The following PCSK5 variants were observed in gnomAD, a reference collection of about 807,000 sequenced individuals.
PCSK5 encodes the protein prohormone convertase 5.
Under a neutral mutation model 233.2 loss-of-function variants are expected in PCSK5, and 129 were observed. The observed-to-expected ratio is 0.55, with a 90% CI of 0.48 to 0.64. PCSK5 has a LOEUF of 0.64. PCSK5 is among the 30% of genes least tolerant of loss of function. The pLI, the probability that PCSK5 is intolerant of heterozygous loss-of-function variation, is 0.00. For missense variants in PCSK5, 2,076 were observed against 2,430.1 expected (o/e 0.85, Z 3.06); for synonymous variants, 825 against 879.2 (o/e 0.94, Z 1.09).
chr9:75,918,389 A>G (rs1823099083), intron 1 of PCSK5, among the ~76,000 whole-genome samples: 1 of 152,226 alleles, frequency 6.6e-6, no homozygotes, highest in South Asian at 2.1e-4. Context: ...GGTGGGGCTC[A>G]TTAACGTGCA....
intron 10 of PCSK5, among the ~76,000 whole-genome samples, chr9:76,143,935 T>G (rs537647939): frequency 6.6e-6 from 1 of 152,256 alleles, no homozygotes; most frequent in African/African-American, 2.4e-5. Context: ...GCCATCTAAC[T>G]TCCCATATTT....
chr9:76,160,011 C>T (rs1208440549), intron 12 of PCSK5, among the ~76,000 whole-genome samples: 2 of 151,904 alleles, frequency 1.3e-5, no homozygotes, highest in Middle Eastern at 3.4e-3. Flanking sequence ...TCAGTAGAGA[C>T]GGGGTTTCAC....
At chr9:76,279,308 A>G (rs913703123) in intron 24 of PCSK5, among the ~76,000 whole-genome samples, 1 of 149,414 alleles carries the variant, frequency 6.7e-6, no homozygotes, top group South Asian at 2.1e-4. Context: ...AATCCAGTCT[A>G]TCATTGTTGG....
At chr9:76,230,512 A>G (rs1378948301) in intron 21 of PCSK5, among the ~76,000 whole-genome samples, 1 of 152,190 alleles carries the variant, frequency 6.6e-6, no homozygotes, top group East Asian at 1.9e-4. Flanking sequence ...CCAATCTGTC[A>G]TCTCATCTTG....
intron 9 of PCSK5, among the ~76,000 whole-genome samples, chr9:76,108,116 T>A (rs559048448): frequency 3.0e-4 from 46 of 152,344 alleles, no homozygotes; most frequent in African/African-American, 1.1e-3. Flanking sequence ...ACATTTATTG[T>A]GAAATATTCA....
chr9:76,015,664 C>T (rs538555614), intron 3 of PCSK5, among the ~76,000 whole-genome samples: 13 of 152,240 alleles, frequency 8.5e-5, no homozygotes, highest in African/African-American at 2.4e-4. Context: ...TCTTAATTTG[C>T]TTTAGAATCA....
intron 20 of PCSK5, among the ~76,000 whole-genome samples, chr9:76,192,716 CA>C (rs149761574): frequency 0.14 from 21,545 of 152,034 alleles, 1,807 homozygotes; most frequent in Non-Finnish European, 0.19. Flanking sequence ...AGCATGGAAA[CA>C]AAACAGAATG....
intron 2 of PCSK5, among the ~76,000 whole-genome samples, chr9:75,944,686 C>G (rs1309427999): frequency 6.6e-6 from 1 of 152,252 alleles, no homozygotes; most frequent in Admixed American, 6.5e-5. Context: ...TGTTCTTTTC[C>G]TAGGGGATTT....
chr9:76,059,358 G>A (rs1587566089), intron 5 of PCSK5, among the ~76,000 whole-genome samples: 3 of 152,312 alleles, frequency 2.0e-5, no homozygotes, highest in Middle Eastern at 6.8e-3. Flanking sequence ...AAGCTCTTTA[G>A]TTTAATTAGA....
intron 24 of PCSK5, among the ~76,000 whole-genome samples, chr9:76,253,329 A>C (rs1826873789): frequency 6.6e-6 from 1 of 152,066 alleles, no homozygotes; most frequent in South Asian, 2.1e-4. Context: ...TAGTCTTCTG[A>C]AGATAAGAGA....
At chr9:76,323,358 G>C (rs1268742485) in intron 32 of PCSK5, 70 bp downstream of exon 32, 2 of 862,326 alleles carry the variant, frequency 2.3e-6, no homozygotes, top group Admixed American at 2.5e-5. Flanking sequence ...CAGCGCCAGA[G>C]CTGTCATCTC....
chr9:76,071,352 A>G (rs1276675038), intron 6 of PCSK5, among the ~76,000 whole-genome samples: 1 of 152,198 alleles, frequency 6.6e-6, no homozygotes, highest in African/African-American at 2.4e-5. Flanking sequence ...AGAATGTTTT[A>G]TATCAATTAT....
At chr9:75,892,421 A>G (rs1825649623) in intron 1 of PCSK5, among the ~76,000 whole-genome samples, 1 of 152,102 alleles carries the variant, frequency 6.6e-6, no homozygotes, top group South Asian at 2.1e-4. Context: ...CACCGCAAGC[A>G]TCTTTGGGGT....
At chr9:76,232,243 T>C (rs1177180048) in intron 21 of PCSK5, among the ~76,000 whole-genome samples, 1 of 152,138 alleles carries the variant, frequency 6.6e-6, no homozygotes, top group African/African-American at 2.4e-5. Context: ...AGAGGAGTAG[T>C]AGAGAGAAAA....
At chr9:76,280,552 G>T (rs1004653081) in intron 24 of PCSK5, among the ~76,000 whole-genome samples, 3 of 151,994 alleles carry the variant, frequency 2.0e-5, no homozygotes, top group Non-Finnish European at 2.9e-5. Flanking sequence ...GACCAGCCTG[G>T]GCAACATGGG....
At chr9:76,310,180 G>A (rs1283033018) in intron 29 of PCSK5, among the ~76,000 whole-genome samples, 6 of 151,786 alleles carry the variant, frequency 4.0e-5, no homozygotes, top group East Asian at 1.9e-4. Flanking sequence ...CCCGGGAGGC[G>A]GAGGTCGCAG....
intron 12 of PCSK5, among the ~76,000 whole-genome samples, chr9:76,168,291 C>T (rs1034426833): frequency 3.3e-5 from 5 of 152,046 alleles, no homozygotes; most frequent in Non-Finnish European, 7.4e-5. Context: ...AGTGGGACTA[C>T]AGGTACACCA....
At chr9:76,182,358 A>G (rs1823910961) in intron 16 of PCSK5, among the ~76,000 whole-genome samples, 1 of 152,226 alleles carries the variant, frequency 6.6e-6, no homozygotes, top group African/African-American at 2.4e-5. Flanking sequence ...TCAATGACTT[A>G]TTTAACCCAC....
chr9:76,343,447 C>G (rs1016784566), intron 35 of PCSK5, among the ~76,000 whole-genome samples: 4 of 151,024 alleles, frequency 2.6e-5, no homozygotes, highest in African/African-American at 7.3e-5. Flanking sequence ...AAGTGATCTG[C>G]CTGCCTCAGC....
Sources: gnomAD v4.1 joint callset for allele counts (sites outside exome capture counted in the v4.1 genomes callset) on GRCh38, gnomAD v4.1.1 for gene constraint, MANE v1.5 for transcripts, NCBI Gene and HGNC (gene_info 2026-07-23, HGNC 2026-07-21) for gene names.